The following SEC22B variants were observed in gnomAD, a reference collection of about 807,000 sequenced individuals.
SEC22B encodes SEC22 homolog B, vesicle trafficking protein, also known as vesicle-trafficking protein SEC22b.
A neutral mutation model predicts 31.4 loss-of-function variants in SEC22B; 10 were observed. That is an observed-to-expected ratio of 0.32 (90% CI 0.20 to 0.54). The LOEUF is 0.54. Among genes scored for constraint, SEC22B ranks in the 20% least tolerant of loss-of-function variants. The probability of loss-of-function intolerance (pLI) is 0.94; values close to 1 mark genes in which losing one functional copy is unlikely to be tolerated. For synonymous variants in SEC22B, 60 were observed against 95.9 expected (o/e 0.63, Z 2.19); for missense variants, 130 against 263.4 (o/e 0.49, Z 3.50).
chr1:120,161,383 T>C (rs1213851080), intron 3 of SEC22B, among the ~76,000 whole-genome samples: 4 of 150,154 alleles, frequency 2.7e-5, no homozygotes, highest in African/African-American at 7.6e-5. Flanking sequence ...TTTTCCAAAA[T>C]ACCAATACAA....
chr1:120,160,755 G>A (rs1236013227), intron 3 of SEC22B, among the ~76,000 whole-genome samples: 7 of 152,012 alleles, frequency 4.6e-5, no homozygotes, highest in Admixed American at 6.6e-5. Context: ...CAGGCGTGGC[G>A]GCACACGCCT....
chr1:120,159,236 G>A (rs1282859418), intron 4 of SEC22B: 10 of 150,204 alleles, frequency 6.7e-5, no homozygotes, highest in Admixed American at 2.7e-4. Context: ...GTGACCAGCC[G>A]GAACAACATG....
At chr1:120,167,647 GTC>G (rs1158625660) in intron 2 of SEC22B, among the ~76,000 whole-genome samples, 1 of 151,610 alleles carries the variant, frequency 6.6e-6, no homozygotes, top group Non-Finnish European at 1.5e-5. Flanking sequence ...TTGAGTATAT[GTC>G]TCTCTCTCTA....
Position 120,152,091 on chromosome 1 carries a change from T to A in SEC22B, c.*4947A>T, listed in dbSNP as rs1386793253. 6.6e-6 allele frequency: 1 copy of A among 151,994 alleles called. No individual in the cohort carries two copies. The highest frequency in any genetic ancestry group is 2.4e-5 in the African/African-American group (1 of 41,320). The allele number at this position is 151,994 out of a possible 1,614,324, so 9.4% of individuals were successfully genotyped here. ...AAAAAACTTGGGCCCAAAAAACAAG[T>A]TTGAAGGTATATTTGGGAGTTACCA... On this transcript the variant is annotated 3_prime_UTR_variant, in exon 5 of 5. Coordinates refer to ENST00000578049, the MANE Select transcript of SEC22B (RefSeq NM_004892.6).
At position 120,172,883 on chromosome 1, in the gene SEC22B, GCAA is replaced by G. The variant is rs1274477657; in HGVS notation, c.75+3421_75+3423del. Among the ~76,000 whole-genome samples, 51 of 132,164 alleles carry G rather than the reference GCAA, an allele frequency of 3.9e-4. 1 individual carries two copies. Among genetic ancestry groups the G allele is most frequent in the Admixed American group, 2.1e-4 (3 of 14,256 alleles). The allele number at this position is 132,164 out of a possible 152,430, so 86.7% of individuals were successfully genotyped here. On this transcript the variant is annotated intron_variant, in intron 1 of 4. Transcript: ENST00000578049. ...GAAACAAATTTGAGGTTATCCAACA[GCAA>G]ATGTAGGATTTGGATCTATATATTA...
intron 2 of SEC22B, among the ~76,000 whole-genome samples, chr1:120,168,287 T>A (rs1657843993): frequency 2.0e-5 from 3 of 151,436 alleles, no homozygotes; most frequent in East Asian, 3.9e-4. Context: ...AATGTTCCTT[T>A]GAGTCCTCTA....
In SEC22B at chr1:120,153,149, A is replaced by T. The variant is rs587723763; in HGVS notation, c.*3889T>A. 2 of 152,030 alleles carry T rather than the reference A, an allele frequency of 1.3e-5. No individual in the cohort carries two copies. Among genetic ancestry groups the T allele is most frequent in the South Asian group, 4.1e-4 (2 of 4,826 alleles). The allele number at this position is 152,030 out of a possible 1,614,324, so 9.4% of individuals were successfully genotyped here. ...AGGTCAACGCTGCCTGACAGTAATA[A>T]GAATAGGATGTGAGATTCAATATGC... On this transcript the variant is annotated 3_prime_UTR_variant, in exon 5 of 5. Coordinates refer to ENST00000578049, the MANE Select transcript of SEC22B (RefSeq NM_004892.6).
At chr1:120,160,130 T>C (rs1657690003) in intron 4 of SEC22B, among the ~76,000 whole-genome samples, 1 of 148,662 alleles carries the variant, frequency 6.7e-6, no homozygotes, top group Non-Finnish European at 1.5e-5. Context: ...ATAATTTAAT[T>C]AATTTTGTGA....
intron 1 of SEC22B, 110 bp downstream of exon 1, chr1:120,176,197 G>T (rs1388530057): frequency 6.4e-6 from 6 of 933,474 alleles, no homozygotes; most frequent in Non-Finnish European, 9.9e-6. Context: ...GAGAGGTCGG[G>T]AGTGCCCGGG....
chr1:120,157,164 G>A lies in SEC22B; in HGVS notation c.522C>T (p.Ser174=). 5 of 1,485,712 alleles carry A rather than the reference G, an allele frequency of 3.4e-6. No individual in the cohort carries two copies. Among genetic ancestry groups the A allele is most frequent in the South Asian group, 1.4e-5 (1 of 71,220 alleles). 92.0% of individuals were successfully genotyped at this position (1,485,712 alleles called of 1,614,324 possible). ...CCTGGCGGTATTTCTTGGACAGACT[G>A]GACAAATTGTTAGCCTTTGAATCCA... ...SALDSKANNL[S]SLSKKYRQDA... The change falls in exon 5 of 5, where the codon TCC becomes TCT. Residue 174 remains serine, a synonymous_variant. Coordinates refer to ENST00000578049, the MANE Select transcript of SEC22B (RefSeq NM_004892.6).
chr1:120,159,122 C>T (rs1657674742), intron 4 of SEC22B: 1 of 151,854 alleles, frequency 6.6e-6, no homozygotes, highest in Admixed American at 6.6e-5. Flanking sequence ...ACCTAATTAC[C>T]TACACTTTTA....
At chr1:120,162,693 A>C (rs1419696782) in intron 3 of SEC22B, among the ~76,000 whole-genome samples, 8 of 152,216 alleles carry the variant, frequency 5.3e-5, no homozygotes, top group African/African-American at 9.7e-5. Context: ...TCCTGAATGT[A>C]GTAAATATTA....
intron 2 of SEC22B, 45 bp from the exon 3 acceptor site, chr1:120,163,415 A>G: frequency 2.3e-6 from 3 of 1,296,246 alleles, no homozygotes; most frequent in Non-Finnish European, 3.1e-6. Flanking sequence ...GTAAAGTAAT[A>G]GCACTGACAA....
At chr1:120,163,945 CTTTTTTTTTTTT>C (rs1169530604) in intron 2 of SEC22B, among the ~76,000 whole-genome samples, 1 of 68,934 alleles carries the variant, frequency 1.5e-5, no homozygotes, top group Non-Finnish European at 2.7e-5. Context: ...ATTAGATTCT[CTTTTTTTTTTTT>C]TTTTTTTTTT....
chr1:120,176,039 G>T (rs1657955509), intron 1 of SEC22B, among the ~76,000 whole-genome samples: 1 of 152,136 alleles, frequency 6.6e-6, no homozygotes, highest in Admixed American at 6.5e-5. Context: ...AAAGAACACT[G>T]GGTGATCACA....
intron 3 of SEC22B, among the ~76,000 whole-genome samples, chr1:120,161,416 G>C (rs1403879269): frequency 6.6e-6 from 1 of 151,878 alleles, no homozygotes; most frequent in Non-Finnish European, 1.5e-5. Flanking sequence ...GTCTCGGCCA[G>C]GCACTGTGTC....
rs397833402 is a variant in SEC22B, at chr1:120,163,426, C to G, written c.186-56G>C. The G allele has an allele frequency of 1.3e-4, 156 of 1,197,042 alleles. 2 individuals carry two copies. The highest frequency in any genetic ancestry group is 1.6e-4 in the Non-Finnish European group (140 of 897,108). The allele number at this position is 1,197,042 out of a possible 1,614,324, so 74.2% of individuals were successfully genotyped here. On this transcript the variant is annotated intron_variant, in intron 2 of 4. Coordinates refer to ENST00000578049, the MANE Select transcript of SEC22B (RefSeq NM_004892.6). ...ATCTGTAAAGTAATAGCACTGACAA[C>G]AGTTTAAAGCAGAATCTCTGTACCA...
At chr1:120,161,228 G>C (rs1657712886) in intron 3 of SEC22B, among the ~76,000 whole-genome samples, 1 of 152,062 alleles carries the variant, frequency 6.6e-6, no homozygotes, top group Non-Finnish European at 1.5e-5. Flanking sequence ...AAGGATGCTG[G>C]TAACACTCTA....
intron 3 of SEC22B, among the ~76,000 whole-genome samples, chr1:120,161,370 G>A (rs1657714862): frequency 1.3e-5 from 2 of 151,172 alleles, no homozygotes; most frequent in African/African-American, 4.9e-5. Context: ...ATGTAATAGG[G>A]AGTTTTCCAA....
Sources: allele counts gnomAD v4.1 joint callset (sites outside exome capture counted in the v4.1 genomes callset), GRCh38; gene constraint gnomAD v4.1.1; transcripts MANE v1.5; gene names NCBI Gene and HGNC (gene_info 2026-07-23, HGNC 2026-07-21).